LRRC4C: variants seen among roughly 807,000 people sequenced by gnomAD.
LRRC4C encodes the protein leucine rich repeat containing 4C.
LRRC4C carries 5 observed loss-of-function variants against 33.6 expected under a neutral mutation model. The observed-to-expected ratio is 0.15, with a 90% CI of 0.08 to 0.31. The LOEUF is 0.31. Ranked by LOEUF, LRRC4C falls within the 10% of genes least tolerant of loss-of-function variation. The pLI, the probability that LRRC4C is intolerant of heterozygous loss-of-function variation, is 1.00. For synonymous variants in LRRC4C, 329 were observed against 302.0 expected (o/e 1.09, Z -0.93); for missense variants, 560 against 796.7 (o/e 0.70, Z 3.58).
intron 3 of LRRC4C, among the ~76,000 whole-genome samples, chr11:40,441,422 C>T (rs932253675): frequency 3.3e-5 from 5 of 152,176 alleles, no homozygotes; most frequent in South Asian, 4.1e-4. Flanking sequence ...TAGTACGATT[C>T]GCTGTAACTA....
At chr11:41,128,361 C>T (rs1356556272) in intron 1 of LRRC4C, among the ~76,000 whole-genome samples, 1 of 151,942 alleles carries the variant, frequency 6.6e-6, no homozygotes, top group Non-Finnish European at 1.5e-5. Context: ...GATTTTAATG[C>T]CTGAATTAAA....
At chr11:40,307,362 T>C (rs1945091861) in intron 4 of LRRC4C, among the ~76,000 whole-genome samples, 2 of 152,196 alleles carry the variant, frequency 1.3e-5, no homozygotes, top group African/African-American at 4.8e-5. Flanking sequence ...ATCAATAGAA[T>C]TGTGGCTCCC....
chr11:40,349,642 C>A (rs928931743), intron 3 of LRRC4C, among the ~76,000 whole-genome samples: 10 of 152,062 alleles, frequency 6.6e-5, no homozygotes, highest in Non-Finnish European at 1.2e-4. Flanking sequence ...TATTGAGAAA[C>A]CTCCATACTG....
chr11:40,985,416 T>TC (rs1852928589), intron 1 of LRRC4C, among the ~76,000 whole-genome samples: 1 of 152,146 alleles, frequency 6.6e-6, no homozygotes, highest in African/African-American at 2.4e-5. Context: ...GATGGCTTTT[T>TC]CTTTTTTATT....
At chr11:41,150,098 G>A (rs1003148346) in intron 1 of LRRC4C, among the ~76,000 whole-genome samples, 4 of 152,028 alleles carry the variant, frequency 2.6e-5, no homozygotes, top group African/African-American at 7.2e-5. Flanking sequence ...CCCTCTAAGT[G>A]CCTTTCCCTT....
At chr11:40,780,650 C>T (rs377098956) in intron 2 of LRRC4C, among the ~76,000 whole-genome samples, 1 of 152,156 alleles carries the variant, frequency 6.6e-6, no homozygotes, top group African/African-American at 2.4e-5. Flanking sequence ...AGCCCTGTTC[C>T]TAAACATCAT....
intron 3 of LRRC4C, among the ~76,000 whole-genome samples, chr11:40,516,765 C>T (rs1442071717): frequency 2.0e-5 from 3 of 152,044 alleles, no homozygotes; most frequent in African/African-American, 4.8e-5. Flanking sequence ...AAAATAAATA[C>T]CCAATGTAAA....
At chr11:40,568,070 G>A (rs755071034) in intron 3 of LRRC4C, among the ~76,000 whole-genome samples, 44 of 152,186 alleles carry the variant, frequency 2.9e-4, no homozygotes, top group Non-Finnish European at 1.5e-4. Context: ...GTGTGGGCTG[G>A]ACCTCAGGAC....
intron 3 of LRRC4C, among the ~76,000 whole-genome samples, chr11:40,463,075 A>G (rs1952479762): frequency 6.6e-6 from 1 of 152,114 alleles, no homozygotes; most frequent in Non-Finnish European, 1.5e-5. Flanking sequence ...CTGAACAAGT[A>G]ACTATGGTCA....
chr11:40,898,785 AC>A (rs1956082025), intron 2 of LRRC4C, among the ~76,000 whole-genome samples: 1 of 151,530 alleles, frequency 6.6e-6, no homozygotes, highest in Non-Finnish European at 1.5e-5. Flanking sequence ...AAAAAAAAAA[AC>A]ATTAACCAAC....
intron 2 of LRRC4C, among the ~76,000 whole-genome samples, chr11:40,720,034 C>T (rs1457804411): frequency 3.9e-5 from 6 of 152,102 alleles, no homozygotes; most frequent in East Asian, 1.9e-4. Context: ...TAATTTCAGC[C>T]GTGCCCTTTA....
At chr11:41,158,851 C>T (rs1944344279) in intron 1 of LRRC4C, among the ~76,000 whole-genome samples, 1 of 152,036 alleles carries the variant, frequency 6.6e-6, no homozygotes, top group African/African-American at 2.4e-5. Context: ...AATTATAGCA[C>T]AAACAAAAGA....
At chr11:40,246,329 G>A (rs1360179549) in intron 4 of LRRC4C, among the ~76,000 whole-genome samples, 1 of 152,120 alleles carries the variant, frequency 6.6e-6, no homozygotes, top group Non-Finnish European at 1.5e-5. Flanking sequence ...ACAATAAGTA[G>A]AATTGGTCCA....
intron 5 of LRRC4C, among the ~76,000 whole-genome samples, chr11:40,176,537 CTCTT>C (rs1273622058): frequency 6.7e-6 from 1 of 149,000 alleles, no homozygotes; most frequent in Non-Finnish European, 1.5e-5. Context: ...TTTTTTTCCA[CTCTT>C]TTTTTTTTTT....
intron 2 of LRRC4C, among the ~76,000 whole-genome samples, chr11:40,734,330 C>T (rs1947749016): frequency 6.6e-6 from 1 of 152,124 alleles, no homozygotes; most frequent in African/African-American, 2.4e-5. Flanking sequence ...AACTTTATTC[C>T]TAAAATATAT....
intron 1 of LRRC4C, among the ~76,000 whole-genome samples, chr11:41,091,956 A>G (rs1021116086): frequency 6.6e-6 from 1 of 152,160 alleles, no homozygotes; most frequent in African/African-American, 2.4e-5. Context: ...ATAAGGAATT[A>G]TCATAGTTGC....
At chr11:40,476,597 G>C (rs963374002) in intron 3 of LRRC4C, among the ~76,000 whole-genome samples, 3 of 152,054 alleles carry the variant, frequency 2.0e-5, no homozygotes, top group African/African-American at 7.2e-5. Flanking sequence ...ACCCGCCTCA[G>C]CCTCCCAAAG....
At chr11:41,347,199 G>C (rs1292663125) in intron 1 of LRRC4C, among the ~76,000 whole-genome samples, 1 of 152,140 alleles carries the variant, frequency 6.6e-6, no homozygotes, top group Non-Finnish European at 1.5e-5. Context: ...TGGCTGAAAC[G>C]CTTGAGTTAT....
intron 2 of LRRC4C, among the ~76,000 whole-genome samples, chr11:40,703,903 T>C (rs1045201119): frequency 6.6e-6 from 1 of 152,128 alleles, no homozygotes; most frequent in Non-Finnish European, 1.5e-5. Flanking sequence ...ACCATTTTAA[T>C]AAAAAGATTA....
Sources: gnomAD v4.1 joint callset for allele counts (sites outside exome capture counted in the v4.1 genomes callset) on GRCh38, gnomAD v4.1.1 for gene constraint, MANE v1.5 for transcripts, NCBI Gene and HGNC (gene_info 2026-07-23, HGNC 2026-07-21) for gene names.